NRP2: variants seen among roughly 807,000 people sequenced by gnomAD.
NRP2 encodes neuropilin 2, also known as neuropilin-2.
NRP2 carries 52 observed loss-of-function variants against 110.4 expected under a neutral mutation model. That is an observed-to-expected ratio of 0.47 (90% CI 0.38 to 0.59). NRP2 has a LOEUF of 0.59. Among genes scored for constraint, NRP2 ranks in the 20% least tolerant of loss-of-function variants. NRP2 has a pLI of 0.00. For synonymous variants in NRP2, 508 were observed against 468.9 expected, an observed-to-expected ratio of 1.08 and a Z score of -1.08; for missense variants, 1,049 against 1,203.0, an observed-to-expected ratio of 0.87 and a Z score of 1.89.
At chr2:205,789,438 A>T (rs1023923396) in intron 15 of NRP2, among the ~76,000 whole-genome samples, 1 of 152,040 alleles carries the variant, frequency 6.6e-6, no homozygotes, top group Admixed American at 6.5e-5. Flanking sequence ...ACTCACCAAC[A>T]CACCCACCCA....
At chr2:205,702,716 T>C (rs1001163924) in intron 2 of NRP2, among the ~76,000 whole-genome samples, 1 of 152,198 alleles carries the variant, frequency 6.6e-6, no homozygotes, top group African/African-American at 2.4e-5. Flanking sequence ...ACCTTAGTCA[T>C]CTGGCCCCTC....
At chr2:205,770,752 A>G (rs891860206) in intron 15 of NRP2, among the ~76,000 whole-genome samples, 1 of 152,180 alleles carries the variant, frequency 6.6e-6, no homozygotes, top group African/African-American at 2.4e-5. Context: ...TAGTGTGTGA[A>G]TCCTCCTCCT....
Position 205,723,789 on chromosome 2 carries a change from C to G in NRP2, c.669C>G (p.Gly223=). ...CTCTTTGTCTTGAATGTCCAGTTGG[C>G]CCCCTGATTGGCAAGTACTGTGGGA... ...LDIWDGIPHV[G]PLIGKYCGTK... The change falls in exon 5 of 17, where the codon GGC becomes GGG. Residue 223 remains glycine, a synonymous_variant. Transcript: ENST00000357785. 1 of 1,614,038 alleles carries G rather than the reference C, an allele frequency of 6.2e-7. No individual in the cohort carries two copies. The highest frequency in any genetic ancestry group is 1.1e-5 in the South Asian group (1 of 91,056).
chr2:205,683,463 T>C, intron 1 of NRP2, 100 bp downstream of exon 1: 1 of 821,682 alleles, frequency 1.2e-6, no homozygotes, highest in Non-Finnish European at 2.1e-6. Context: ...AGAAGAAGGC[T>C]CCCTCAGTAC....
At chr2:205,780,844 T>G (rs2058165936) in intron 15 of NRP2, among the ~76,000 whole-genome samples, 1 of 152,232 alleles carries the variant, frequency 6.6e-6, no homozygotes, top group African/African-American at 2.4e-5. Flanking sequence ...GTTCTGTTAG[T>G]ACAGATGGTT....
chr2:205,683,477 A>G, intron 1 of NRP2, 114 bp downstream of exon 1: 1 of 772,136 alleles, frequency 1.3e-6, no homozygotes, highest in South Asian at 1.5e-5. Flanking sequence ...TCAGTACTCA[A>G]TAATTTAAAG....
rs1421835586 is a variant in NRP2, at chr2:205,725,155, G to A, written c.821-758G>A. 6.6e-6 allele frequency among the ~76,000 whole-genome samples: 1 copy of A among 152,166 alleles called. No homozygotes were observed. Among genetic ancestry groups the A allele is most frequent in the Non-Finnish European group, 1.5e-5 (1 of 68,034 alleles). On this transcript the variant is annotated intron_variant, in intron 5 of 16. Coordinates refer to ENST00000357785, the MANE Select transcript of NRP2 (RefSeq NM_003872.3). This position sits in a 1 kb window ranked among gnomAD's most constrained non-coding sequence, Gnocchi z 4.1. ...CTGAAGATTGAGTGACAAAGAAACA[G>A]TATGGCAAATTGCACCAGGTCCCGT...
At chr2:205,776,808 A>G in intron 15 of NRP2, 7 of 1,331,086 alleles carry the variant, frequency 5.3e-6, no homozygotes, top group Non-Finnish European at 5.8e-6. Context: ...GCACTCCACA[A>G]CTCAAGGCTC....
intron 15 of NRP2, among the ~76,000 whole-genome samples, chr2:205,781,550 G>T (rs975173972): frequency 1.3e-5 from 2 of 152,214 alleles, no homozygotes; most frequent in African/African-American, 4.8e-5. Flanking sequence ...GCACAAACGT[G>T]TGGCCTTTCT....
intron 6 of NRP2, 123 bp from the exon 7 acceptor site, chr2:205,727,768 T>A (rs2057155034): frequency 1.1e-6 from 1 of 897,586 alleles, no homozygotes; most frequent in Admixed American, 2.7e-5. Flanking sequence ...ATTACAAGTA[T>A]GTCTCAGTGA....
intron 7 of NRP2, among the ~76,000 whole-genome samples, chr2:205,738,333 C>T (rs1466626106): frequency 6.6e-6 from 1 of 152,192 alleles, no homozygotes; most frequent in African/African-American, 2.4e-5. Context: ...CTGCTGCTCA[C>T]AACACCCATC....
chr2:205,733,937 C>T (rs961355525), intron 7 of NRP2, among the ~76,000 whole-genome samples: 1 of 152,118 alleles, frequency 6.6e-6, no homozygotes, highest in Non-Finnish European at 1.5e-5. Context: ...GTAAATCTAG[C>T]GGGCCCCGCA....
At chr2:205,749,064 G>A (rs890897277) in intron 10 of NRP2, among the ~76,000 whole-genome samples, 2 of 152,166 alleles carry the variant, frequency 1.3e-5, no homozygotes, top group Admixed American at 6.5e-5. Flanking sequence ...GAAGGAAAGG[G>A]GGAAAGATTT....
chr2:205,745,643 T>C lies in NRP2; in HGVS notation c.1642-103T>C. On this transcript the variant is annotated intron_variant, in intron 9 of 16. Transcript: ENST00000357785. ...GGAATCAACTAGGAAGCTGCCTTCC[T>C]AGCAGGACGTGCGGGGCAGGGAGGA... 2.9e-6 allele frequency: 4 copies of C among 1,385,736 alleles called. No homozygotes were observed. In the South Asian group the frequency reaches 4.8e-5, roughly 17 times the overall value. 85.8% of individuals were successfully genotyped at this position (1,385,736 alleles called of 1,614,324 possible).
chr2:205,767,593 G>C (rs62173004), intron 15 of NRP2: 3 of 311,354 alleles, frequency 9.6e-6, no homozygotes, highest in South Asian at 7.6e-5. Flanking sequence ...AAAAAAAAAG[G>C]CCTCCAGCCT....
At chr2:205,781,908 G>C (rs1333350169) in intron 15 of NRP2, among the ~76,000 whole-genome samples, 1 of 152,134 alleles carries the variant, frequency 6.6e-6, no homozygotes, top group Non-Finnish European at 1.5e-5. Context: ...ACCACAGTAT[G>C]TATAGAGGTC....
intron 10 of NRP2, 147 bp from the exon 11 acceptor site, chr2:205,749,578 G>A (rs1185490137): frequency 3.5e-5 from 24 of 681,334 alleles, no homozygotes; most frequent in Admixed American, 6.2e-5. Flanking sequence ...CCCTGACTTC[G>A]TTGACAGCAC....
chr2:205,728,193 T>G (rs1287726468), intron 7 of NRP2, 147 bp downstream of exon 7: 2 of 947,630 alleles, frequency 2.1e-6, no homozygotes, highest in African/African-American at 3.2e-5. Flanking sequence ...GTGCTGGCCT[T>G]GAAAATCTTC....
intron 2 of NRP2, among the ~76,000 whole-genome samples, chr2:205,707,481 G>GA (rs1246614620): frequency 1.3e-5 from 2 of 152,186 alleles, no homozygotes; most frequent in East Asian, 3.8e-4. Flanking sequence ...CCAAGTAAAT[G>GA]AACTCTAAAA....
Sources: allele counts gnomAD v4.1 joint callset (sites outside exome capture counted in the v4.1 genomes callset), GRCh38; gene constraint gnomAD v4.1.1; non-coding constraint Gnocchi (gnomAD v3.1); transcripts MANE v1.5; gene names NCBI Gene and HGNC (gene_info 2026-07-23, HGNC 2026-07-21).